TMEM164: variants seen among roughly 807,000 people sequenced by gnomAD.
TMEM164 encodes the protein transmembrane protein 164.
A neutral mutation model predicts 18.8 loss-of-function variants in TMEM164; 4 were observed. That is an observed-to-expected ratio of 0.21 (90% CI 0.10 to 0.49). The LOEUF is 0.49. Ranked by LOEUF, TMEM164 falls within the 20% of genes least tolerant of loss-of-function variation. The pLI is 0.98. For missense variants in TMEM164, 108 were observed against 239.9 expected, an observed-to-expected ratio of 0.45 and a Z score of 3.63; for synonymous variants, 86 against 101.7, an observed-to-expected ratio of 0.85 and a Z score of 0.93.
chrX:110,057,311 C>CT (rs1167459819), intron 2 of TMEM164, among the ~76,000 whole-genome samples: 1 of 111,427 alleles, frequency 9.0e-6, no homozygotes, highest in Non-Finnish European at 1.9e-5. Context: ...ACATAATGTC[C>CT]TTTGGGTCCT....
intron 4 of TMEM164, among the ~76,000 whole-genome samples, chrX:110,123,048 C>T (rs890582707): frequency 8.9e-6 from 1 of 111,914 alleles, no homozygotes; most frequent in Non-Finnish European, 1.9e-5. Flanking sequence ...AGTGTTGGCT[C>T]TTACATTTAG....
intron 5 of TMEM164, among the ~76,000 whole-genome samples, chrX:110,152,301 AC>A (rs2066954549): frequency 2.7e-5 from 3 of 109,894 alleles, no homozygotes; most frequent in African/African-American, 9.9e-5. Flanking sequence ...TGATCTGCCC[AC>A]TTCGGCCTCC....
At chrX:110,138,856 G>T (rs890701140) in intron 4 of TMEM164, among the ~76,000 whole-genome samples, 1 of 112,011 alleles carries the variant, frequency 8.9e-6, no homozygotes, top group Non-Finnish European at 1.9e-5. Context: ...ACATAAAGAC[G>T]CCATGTGGGC....
intron 1 of TMEM164, 28 bp from the exon 2 acceptor site, chrX:110,003,469 CTTTT>C: frequency 4.1e-5 from 8 of 195,471 alleles, no homozygotes; most frequent in South Asian, 2.6e-4. Flanking sequence ...TTTGAGACCT[CTTTT>C]TTTTTTTTTT....
intron 5 of TMEM164, among the ~76,000 whole-genome samples, chrX:110,162,261 G>A (rs1195408166): frequency 2.7e-5 from 3 of 112,767 alleles, no homozygotes; most frequent in Non-Finnish European, 5.6e-5. Context: ...TGGGTCCTTG[G>A]ACTTCAGTGC....
chrX:110,148,363 A>G (rs1409040448), intron 5 of TMEM164, among the ~76,000 whole-genome samples: 1 of 111,205 alleles, frequency 9.0e-6, no homozygotes, highest in Non-Finnish European at 1.9e-5. Context: ...ATCCATCCCT[A>G]TCTTCCTCCT....
intron 4 of TMEM164, among the ~76,000 whole-genome samples, chrX:110,135,587 C>A (rs1039413423): frequency 4.5e-5 from 5 of 111,618 alleles, no homozygotes; most frequent in Non-Finnish European, 5.6e-5. Context: ...AATAATGTAT[C>A]TTGTTTCTTC....
At position 110,081,228 on chromosome X, in the gene TMEM164, G is replaced by A. The variant is rs2065752981; in HGVS notation, c.440+13832G>A. Among the ~76,000 whole-genome samples, 4 of 110,950 alleles carry A rather than the reference G, an allele frequency of 3.6e-5. No homozygotes were observed. The South Asian group carries it at 1.5e-3, about 42-fold the overall frequency. On this transcript the variant is annotated intron_variant, in intron 3 of 6. Coordinates refer to ENST00000372068, the MANE Select transcript of TMEM164 (RefSeq NM_032227.4). ...CTTTAAAATAGTATTGGGGGATAGC[G>A]AATACATTATCCATACTATAAATAG...
chrX:110,031,174 T>C (rs1299425172), intron 2 of TMEM164, among the ~76,000 whole-genome samples: 1 of 112,293 alleles, frequency 8.9e-6, no homozygotes, highest in Non-Finnish European at 1.9e-5. Context: ...TCTGTTCCTA[T>C]GTTAATTTGC....
intron 5 of TMEM164, among the ~76,000 whole-genome samples, chrX:110,170,247 C>T (rs1285872891): frequency 8.9e-6 from 1 of 112,580 alleles, no homozygotes; most frequent in African/African-American, 3.2e-5. Context: ...AGAAGCATTC[C>T]TTGTGCCCCT....
intron 2 of TMEM164, among the ~76,000 whole-genome samples, chrX:110,023,547 T>TTC (rs1404465274): frequency 9.0e-6 from 1 of 111,572 alleles, no homozygotes. Flanking sequence ...GTATTCTTCC[T>TTC]TCCAGACCCC....
chrX:110,040,860 C>T, intron 2 of TMEM164, among the ~76,000 whole-genome samples: 1 of 111,431 alleles, frequency 9.0e-6, no homozygotes, highest in Non-Finnish European at 1.9e-5. Flanking sequence ...TGAAGAAATG[C>T]CACTGCTAAA....
At chrX:110,075,653 G>A (rs2065659674) in intron 3 of TMEM164, among the ~76,000 whole-genome samples, 2 of 111,373 alleles carry the variant, frequency 1.8e-5, no homozygotes, top group African/African-American at 3.3e-5. Flanking sequence ...GCTTGTTGAA[G>A]GTTTTTATCA....
intron 4 of TMEM164, among the ~76,000 whole-genome samples, chrX:110,124,135 G>GA (rs1372314388): frequency 1.4e-5 from 1 of 70,543 alleles, no homozygotes; most frequent in East Asian, 5.1e-4. Context: ...AGGAAGGAAG[G>GA]AAGGAAGGAA....
intron 2 of TMEM164, among the ~76,000 whole-genome samples, chrX:110,049,899 T>G (rs1196955551): frequency 9.0e-6 from 1 of 111,115 alleles, no homozygotes; most frequent in Non-Finnish European, 1.9e-5. Flanking sequence ...GATGGCTTTT[T>G]TTCTCCCTGT....
At chrX:110,146,655 A>G (rs2066859561) in intron 5 of TMEM164, among the ~76,000 whole-genome samples, 1 of 111,931 alleles carries the variant, frequency 8.9e-6, no homozygotes, top group Non-Finnish European at 1.9e-5. Flanking sequence ...ACCCCGCAGA[A>G]GTTGATGGGC....
rs1186388076 is a variant in TMEM164, at chrX:110,057,111, T to G, written c.391-10236T>G. Among the ~76,000 whole-genome samples the G allele has an allele frequency of 2.7e-5, 3 of 111,238 alleles. No individual in the cohort carries two copies. In the Admixed American group the frequency reaches 2.9e-4, roughly 11 times the overall value. The stretch of plus-strand genomic sequence containing the variant: ...ATTTTCACCTATAGTCGCCATGCTG[T>G]ACATTAGATATCCAGGACTTACTTG... On this transcript the variant is annotated intron_variant, in intron 2 of 6. Transcript: ENST00000372068.
intron 5 of TMEM164, among the ~76,000 whole-genome samples, chrX:110,166,473 A>G (rs2067160530): frequency 8.9e-6 from 1 of 111,947 alleles, no homozygotes; most frequent in Non-Finnish European, 1.9e-5. Flanking sequence ...AGTGAGTTGA[A>G]GGAAGCAGGA....
intron 5 of TMEM164, among the ~76,000 whole-genome samples, chrX:110,158,910 C>G (rs1395519677): frequency 8.9e-6 from 1 of 112,290 alleles, no homozygotes; most frequent in Admixed American, 9.4e-5. Context: ...TCAGTTTTCT[C>G]ATCTGTAAAA....
Sources: gnomAD v4.1 joint callset for allele counts (sites outside exome capture counted in the v4.1 genomes callset) on GRCh38, gnomAD v4.1.1 for gene constraint, MANE v1.5 for transcripts, NCBI Gene and HGNC (gene_info 2026-07-23, HGNC 2026-07-21) for gene names.